CERS1: variants seen among roughly 807,000 people sequenced by gnomAD.
CERS1 encodes the protein Embryonic growth/differentiation factor 1.
Under a neutral mutation model 35.7 loss-of-function variants are expected in CERS1, and 16 were observed. That is an observed-to-expected ratio of 0.45 (90% CI 0.30 to 0.68). The LOEUF (loss-of-function observed/expected upper bound fraction) is 0.68. Among genes scored for constraint, CERS1 ranks in the 30% least tolerant of loss-of-function variants. The probability of loss-of-function intolerance (pLI) is 0.08; values close to 1 mark genes in which losing one functional copy is unlikely to be tolerated. For missense variants in CERS1, 454 were observed against 453.9 expected, an observed-to-expected ratio of 1.00 and a Z score of 0.00; for synonymous variants, 243 against 201.6, an observed-to-expected ratio of 1.21 and a Z score of -1.74.
At chr19:18,879,423 G>A (rs1177475107) in intron 4 of CERS1, 35 bp from the exon 5 acceptor site, 23 of 1,548,778 alleles carry the variant, frequency 1.5e-5, no homozygotes, top group Non-Finnish European at 2.0e-5. Flanking sequence ...CGTGGGTGGA[G>A]GGGGACGGTG....
At position 18,881,878 on chromosome 19, in the gene CERS1, C is replaced by T. The variant is rs1261619912; in HGVS notation, c.591-1443G>A. The T allele has an allele frequency of 1.3e-5, 2 of 152,240 alleles. 1 individual carries two copies. The highest frequency in any genetic ancestry group is 4.1e-4 in the South Asian group (2 of 4,822). 9.4% of individuals were successfully genotyped at this position (152,240 alleles called of 1,614,324 possible). A position where few individuals can be genotyped will look rare whatever the true frequency, so the allele number is the denominator to read the frequency against. ...CTCTGTTGCCCAGGCTGGAATGCCT[C>T]GGCTCACAGCCACCTCTGCCTCCCG... On this transcript the variant is annotated intron_variant, in intron 3 of 7. Coordinates refer to ENST00000623882, the MANE Select transcript of CERS1 (RefSeq NM_021267.5).
Position 18,896,086 on chromosome 19 carries a change from C to T in CERS1, c.-14G>A. ...CGCCGCCGCCATACCGCCCGCTCGC[C>T]CGCCGTGCCCGTCGCCTGCGCCCGC... On this transcript the variant is annotated 5_prime_UTR_variant, in exon 1 of 8. Transcript: ENST00000623882. The surrounding 1 kb of genome is among the most constrained non-coding windows in gnomAD (Gnocchi z 5.9). The T allele has an allele frequency of 5.3e-5, 50 of 940,594 alleles. No individual in the cohort carries two copies. The highest frequency in any genetic ancestry group is 6.3e-5 in the Non-Finnish European group (50 of 791,496). 58.3% of individuals were successfully genotyped at this position (940,594 alleles called of 1,614,324 possible).
chr19:18,893,122 C>T (rs1404869014), intron 2 of CERS1, among the ~76,000 whole-genome samples: 2 of 152,098 alleles, frequency 1.3e-5, no homozygotes, highest in Admixed American at 1.3e-4. Context: ...ACCATGTTAG[C>T]CAGGATGGTC....
At chr19:18,893,681 T>G in intron 1 of CERS1, 106 bp from the exon 2 acceptor site, 1 of 1,156,456 alleles carries the variant, frequency 8.6e-7, no homozygotes, top group Non-Finnish European at 1.2e-6. Context: ...CGGGCAGCAC[T>G]GGGAAGGCCT....
chr19:18,890,114 C>T (rs896685060), intron 2 of CERS1, among the ~76,000 whole-genome samples: 22 of 152,176 alleles, frequency 1.4e-4, no homozygotes, highest in Admixed American at 1.1e-3. Flanking sequence ...CCGTGGCCTC[C>T]GAGGCCTGGA....
chr19:18,870,223 C>T lies in CERS1; in HGVS notation c.*354G>A. ...GCGGCTGGGCCTGGGGGCACGGGGG[C>T]GCGGGTCAGGGGCAGCGAGGGCAGC... is the stretch of plus-strand genomic sequence containing the variant. On this transcript the variant is annotated 3_prime_UTR_variant, in exon 7 of 8. Coordinates refer to ENST00000623882, the MANE Select transcript of CERS1 (RefSeq NM_021267.5). The surrounding 1 kb of genome is among the most constrained non-coding windows in gnomAD (Gnocchi z 5.1). The T allele has an allele frequency of 6.4e-7, 1 of 1,554,072 alleles. No individual in the cohort carries two copies. Among genetic ancestry groups the T allele is most frequent in the Non-Finnish European group, 8.7e-7 (1 of 1,154,670 alleles).
chr19:18,877,240 A>G (rs1450537682), intron 6 of CERS1, among the ~76,000 whole-genome samples: 1 of 152,194 alleles, frequency 6.6e-6, no homozygotes, highest in Non-Finnish European at 1.5e-5. Context: ...TTCTGATGAG[A>G]CATCCTCAGC....
At chr19:18,885,849 C>T (rs1014385068) in intron 2 of CERS1, among the ~76,000 whole-genome samples, 11 of 152,100 alleles carry the variant, frequency 7.2e-5, no homozygotes, top group African/African-American at 1.7e-4. Flanking sequence ...CCCTGCCTTG[C>T]GGGTGTCCTG....
chr19:18,886,199 A>T (rs1181995627), intron 2 of CERS1, among the ~76,000 whole-genome samples: 1 of 151,916 alleles, frequency 6.6e-6, no homozygotes, highest in Non-Finnish European at 1.5e-5. Flanking sequence ...TGAGTCCAGG[A>T]GTTCGAGACC....
chr19:18,893,876 G>C (rs1397488523), intron 1 of CERS1, among the ~76,000 whole-genome samples: 2 of 151,798 alleles, frequency 1.3e-5, no homozygotes, highest in African/African-American at 4.8e-5. Context: ...TGAGGGAGAC[G>C]GATGGATGCG....
chr19:18,878,888 A>G lies in CERS1; in HGVS notation c.1010+42T>C. ...CCACGAACACGCTTGGACGGGTGAC[A>G]CTAAAGGAGGGAACGCGGGGTGCGG... On this transcript the variant is annotated intron_variant, in intron 6 of 7. Transcript: ENST00000623882. This position sits in a 1 kb window ranked among gnomAD's most constrained non-coding sequence, Gnocchi z 4.6. The G allele has an allele frequency of 1.9e-6, 3 of 1,605,570 alleles. No individual in the cohort carries two copies. Among genetic ancestry groups the G allele is most frequent in the Non-Finnish European group, 1.7e-6 (2 of 1,176,686 alleles).
At chr19:18,882,649 A>G (rs888356985) in intron 3 of CERS1, among the ~76,000 whole-genome samples, 3 of 151,148 alleles carry the variant, frequency 2.0e-5, no homozygotes, top group Non-Finnish European at 3.0e-5. Context: ...AAAAATAAGT[A>G]AGTAAATAAA....
chr19:18,875,116 GT>G (rs1430005040), intron 6 of CERS1, among the ~76,000 whole-genome samples: 1 of 151,936 alleles, frequency 6.6e-6, no homozygotes, highest in Non-Finnish European at 1.5e-5. Flanking sequence ...GGTGCCTGTG[GT>G]TCCAGCTACT....
At chr19:18,887,478 G>A (rs886803851) in intron 2 of CERS1, among the ~76,000 whole-genome samples, 8 of 152,150 alleles carry the variant, frequency 5.3e-5, no homozygotes, top group Non-Finnish European at 1.2e-4. Flanking sequence ...TGAACTGTTC[G>A]CTTTAAAATG....
intron 6 of CERS1, among the ~76,000 whole-genome samples, chr19:18,875,542 C>CAAAAAAAAA (rs886609723): frequency 1.0e-5 from 1 of 97,376 alleles, no homozygotes; most frequent in Non-Finnish European, 2.2e-5. Context: ...GACACTGTCT[C>CAAAAAAAAA]AAAAAAAAAA....
chr19:18,879,126 T>C, intron 5 of CERS1, 87 bp from the exon 6 acceptor site: 1 of 1,585,396 alleles, frequency 6.3e-7, no homozygotes, highest in Non-Finnish European at 8.6e-7. Context: ...TCCCGGGCCC[T>C]CCACACGGGC....
At chr19:18,876,087 C>T (rs941371973) in intron 6 of CERS1, among the ~76,000 whole-genome samples, 6 of 152,154 alleles carry the variant, frequency 3.9e-5, no homozygotes, top group Admixed American at 6.6e-5. Flanking sequence ...CGAGTTCAAG[C>T]GATTCTCCTG....
intron 2 of CERS1, among the ~76,000 whole-genome samples, chr19:18,886,464 A>C (rs1028889768): frequency 3.3e-5 from 5 of 152,106 alleles, no homozygotes; most frequent in Non-Finnish European, 7.4e-5. Flanking sequence ...TGGGAGGATC[A>C]CTTGAGTCCT....
At chr19:18,880,087 CCTA>C (rs1340009170) in intron 4 of CERS1, among the ~76,000 whole-genome samples, 184 bp downstream of exon 4, 1 of 151,208 alleles carries the variant, frequency 6.6e-6, no homozygotes, top group African/African-American at 2.4e-5. Context: ...CCACCCTTGT[CCTA>C]CTCCTTTCCT....
Sources: allele counts gnomAD v4.1 joint callset (sites outside exome capture counted in the v4.1 genomes callset), GRCh38; gene constraint gnomAD v4.1.1; non-coding constraint Gnocchi (gnomAD v3.1); transcripts MANE v1.5; gene names NCBI Gene and HGNC (gene_info 2026-07-23, HGNC 2026-07-21).